The following ZNF521 variants were observed in gnomAD, a reference collection of about 807,000 sequenced individuals.
ZNF521 encodes zinc finger protein 521.
ZNF521 carries 14 observed loss-of-function variants against 105.5 expected under a neutral mutation model. That is an observed-to-expected ratio of 0.13 (90% confidence interval 0.09 to 0.21). The LOEUF (loss-of-function observed/expected upper bound fraction) is 0.21, where lower values mean the gene tolerates loss of function less well. Among genes scored for constraint, ZNF521 ranks in the 10% least tolerant of loss-of-function variants. The pLI, the probability that ZNF521 is intolerant of heterozygous loss-of-function variation, is 1.00. For synonymous variants in ZNF521, 635 were observed against 606.0 expected, an observed-to-expected ratio of 1.05 and a Z score of -0.70; for missense variants, 1,233 against 1,629.7, an observed-to-expected ratio of 0.76 and a Z score of 4.19.
intron 3 of ZNF521, among the ~76,000 whole-genome samples, chr18:25,265,639 G>C (rs1466431887): frequency 6.6e-6 from 1 of 152,138 alleles, no homozygotes; most frequent in African/African-American, 2.4e-5. Context: ...GAACAGTTTG[G>C]AGGTTCCTCA....
chr18:25,203,143 T>C (rs1258390938), intron 4 of ZNF521, among the ~76,000 whole-genome samples: 1 of 152,192 alleles, frequency 6.6e-6, no homozygotes, highest in South Asian at 2.1e-4. Context: ...TTAAGTATTT[T>C]GCCTAAATGA....
At chr18:25,089,358 A>T in intron 7 of ZNF521, 107 bp downstream of exon 7, 1 of 811,210 alleles carries the variant, frequency 1.2e-6, no homozygotes, top group Middle Eastern at 3.0e-4. Flanking sequence ...ACAAAGCATC[A>T]TGGTGGCCCA....
chr18:25,214,160 C>A (rs1285724643), intron 4 of ZNF521, among the ~76,000 whole-genome samples: 1 of 152,080 alleles, frequency 6.6e-6, no homozygotes, highest in Admixed American at 6.6e-5. Flanking sequence ...TGACTTTGAT[C>A]ATCACAGATT....
chr18:25,080,653 G>A (rs1410792118), intron 7 of ZNF521, among the ~76,000 whole-genome samples: 4 of 152,204 alleles, frequency 2.6e-5, no homozygotes, highest in African/African-American at 9.6e-5. Flanking sequence ...TCAGGAAGAC[G>A]CTGGAATGGA....
At chr18:25,340,863 A>T (rs543409669) in intron 2 of ZNF521, among the ~76,000 whole-genome samples, 2 of 150,876 alleles carry the variant, frequency 1.3e-5, no homozygotes, top group African/African-American at 4.8e-5. Flanking sequence ...AAATATGCAA[A>T]TCGGCAAGTA....
intron 4 of ZNF521, among the ~76,000 whole-genome samples, chr18:25,215,394 C>G (rs933044305): frequency 2.0e-5 from 3 of 152,084 alleles, no homozygotes; most frequent in African/African-American, 7.2e-5. Flanking sequence ...TAGAGCAACA[C>G]CGTAATAAGA....
chr18:25,067,167 T>C (rs1035065670), intron 7 of ZNF521, among the ~76,000 whole-genome samples: 1 of 152,052 alleles, frequency 6.6e-6, no homozygotes, highest in African/African-American at 2.4e-5. Context: ...TTATGAACAG[T>C]TGTTTTACAC....
chr18:25,273,247 A>AAAAAAAAAAAAAAAAAAAAC (rs1398075029), intron 3 of ZNF521, among the ~76,000 whole-genome samples: 1 of 139,348 alleles, frequency 7.2e-6, no homozygotes, highest in South Asian at 2.2e-4. Context: ...AAAAAAAAAA[A>AAAAAAAAAAAAAAAAAAAAC]AAAAGACATT....
chr18:25,225,228 A>G lies in ZNF521; in HGVS notation c.2690T>C (p.Met897Thr), dbSNP rs750053757. The change falls in exon 4 of 8, where the codon ATG becomes ACG. Residue 897 changes from methionine (M) to threonine (T), a missense_variant. By Grantham distance (81) the Met-to-Thr change is moderately conservative. This residue lies in a region of ZNF521 where 614 missense variants were observed against 751.5 expected (regional missense o/e 0.82). Coordinates refer to ENST00000361524, the MANE Select transcript of ZNF521 (RefSeq NM_015461.3). The surrounding 1 kb of genome is among the most constrained non-coding windows in gnomAD (Gnocchi z 5.6). ...GCDICGAAYT[M>T]ETLLQNHQLR... ...CTGGTGATTCTGCAGCAAAGTTTCC[A>G]TAGTGTAGGCTGCCCCACAAATGTC... 1 of 1,614,104 alleles carries G rather than the reference A, an allele frequency of 6.2e-7. No individual in the cohort carries two copies. Among genetic ancestry groups the G allele is most frequent in the East Asian group, 2.2e-5 (1 of 44,858 alleles).
chr18:25,182,492 A>G (rs2035648742), intron 5 of ZNF521, among the ~76,000 whole-genome samples: 1 of 152,142 alleles, frequency 6.6e-6, no homozygotes, highest in African/African-American at 2.4e-5. Context: ...AAACACACCT[A>G]TATGTGACGC....
chr18:25,282,778 T>C (rs1239781056), intron 3 of ZNF521, among the ~76,000 whole-genome samples: 2 of 152,100 alleles, frequency 1.3e-5, no homozygotes, highest in African/African-American at 2.4e-5. Context: ...TTTAGGCCTT[T>C]ACCAGGGACA....
chr18:25,173,385 T>G (rs1460185153), intron 5 of ZNF521, among the ~76,000 whole-genome samples: 2 of 152,292 alleles, frequency 1.3e-5, no homozygotes. Context: ...TCATCACACA[T>G]TCCATCCCAA....
chr18:25,062,868 G>C (rs766546540), intron 7 of ZNF521, 127 bp from the exon 8 acceptor site: 18 of 934,056 alleles, frequency 1.9e-5, no homozygotes, highest in Non-Finnish European at 2.6e-5. Context: ...ATAATGACTT[G>C]AACAGAACAA....
chr18:25,186,658 T>G (rs1249855444), intron 5 of ZNF521, among the ~76,000 whole-genome samples: 1 of 152,150 alleles, frequency 6.6e-6, no homozygotes, highest in African/African-American at 2.4e-5. Flanking sequence ...AACAGACCGA[T>G]AGCTAAATAT....
chr18:25,114,889 C>T (rs2034272617), intron 5 of ZNF521, among the ~76,000 whole-genome samples: 1 of 152,194 alleles, frequency 6.6e-6, no homozygotes, highest in African/African-American at 2.4e-5. Flanking sequence ...TTAAAAGTGT[C>T]AGCTCCTGCT....
At chr18:25,294,044 T>C (rs1911183465) in intron 3 of ZNF521, among the ~76,000 whole-genome samples, 1 of 152,210 alleles carries the variant, frequency 6.6e-6, no homozygotes, top group Non-Finnish European at 1.5e-5. Flanking sequence ...CATTGGTATT[T>C]TGAAGTTGCA....
chr18:25,082,840 TCAAAAAAAAA>T (rs1567953717), intron 7 of ZNF521: 2 of 15,396 alleles, frequency 1.3e-4, no homozygotes, highest in Admixed American at 1.4e-3. Flanking sequence ...AGACTCCGTC[TCAAAAAAAAA>T]AAAAAAAAAA....
intron 5 of ZNF521, among the ~76,000 whole-genome samples, chr18:25,097,144 G>A (rs920791834): frequency 2.0e-5 from 3 of 151,994 alleles, no homozygotes; most frequent in Non-Finnish European, 4.4e-5. Context: ...CTCACCCCTC[G>A]GCTACATTGG....
chr18:25,062,848 T>C, intron 7 of ZNF521, 107 bp from the exon 8 acceptor site: 1 of 1,065,202 alleles, frequency 9.4e-7, no homozygotes, highest in South Asian at 1.5e-5. Context: ...TATATACATG[T>C]AATTAATTCA....
Sources: gnomAD v4.1 joint callset for allele counts (sites outside exome capture counted in the v4.1 genomes callset) on GRCh38, gnomAD v4.1.1 for gene constraint, gnomAD v4.1.1 regional missense constraint, Gnocchi (gnomAD v3.1) non-coding constraint, MANE v1.5 for transcripts, NCBI Gene and HGNC (gene_info 2026-07-23, HGNC 2026-07-21) for gene names.